The following SRSF12 variants were observed in gnomAD, a reference collection of about 807,000 sequenced individuals.
SRSF12 encodes the protein serine/arginine-rich splicing factor 12.
Under a neutral mutation model 34.1 loss-of-function variants are expected in SRSF12, and 21 were observed. The ratio of observed to expected loss-of-function variants is 0.62; its 90% CI spans 0.44 to 0.89. SRSF12 has a LOEUF of 0.89. Among genes scored for constraint, SRSF12 ranks in the 40% least tolerant of loss-of-function variants. The pLI is 0.00. For synonymous variants in SRSF12, 111 were observed against 110.8 expected, an observed-to-expected ratio of 1.00 and a Z score of -0.01; for missense variants, 278 against 327.8, an observed-to-expected ratio of 0.85 and a Z score of 1.17.
In SRSF12 at chr6:89,107,038, G is replaced by A. The variant is rs140339488; in HGVS notation, c.170+116C>T. Reference sequence around the variant, plus strand: ...ACTGCTTTAGATCTTCTGAGATAAAGAAATAAACACATTTAATTAGGCAAT... The same window carrying A: ...ACTGCTTTAGATCTTCTGAGATAAAAAAATAAACACATTTAATTAGGCAAT... On this transcript the variant is annotated intron_variant, in intron 2 of 4. Transcript: ENST00000452027. 7.0e-5 allele frequency: 76 copies of A among 1,089,976 alleles called. No individual in the cohort carries two copies. The African/African-American group carries it at 9.2e-4, about 13-fold the overall frequency. 67.5% of individuals were successfully genotyped at this position (1,089,976 alleles called of 1,614,324 possible). A position where few individuals can be genotyped will look rare whatever the true frequency, so the allele number is the denominator to read the frequency against.
chr6:89,109,829 C>T (rs1337952406), intron 1 of SRSF12, among the ~76,000 whole-genome samples: 3 of 152,196 alleles, frequency 2.0e-5, no homozygotes, highest in South Asian at 2.1e-4. Flanking sequence ...CGGTGGCTCA[C>T]GCTTGTAATC....
intron 1 of SRSF12, among the ~76,000 whole-genome samples, chr6:89,117,585 G>A (rs1302283856): frequency 6.6e-6 from 1 of 152,158 alleles, no homozygotes; most frequent in Non-Finnish European, 1.5e-5. Context: ...ACGCGGGCCC[G>A]GGACACGATG....
Position 89,096,502 on chromosome 6 carries a change from A to C in SRSF12, c.*2076T>G, listed in dbSNP as rs1768291003. 1 of 152,226 alleles carries C rather than the reference A, an allele frequency of 6.6e-6. No homozygotes were observed. The highest frequency in any genetic ancestry group is 1.5e-5 in the Non-Finnish European group (1 of 68,044). 9.4% of individuals were successfully genotyped at this position (152,226 alleles called of 1,614,324 possible). On this transcript the variant is annotated 3_prime_UTR_variant, in exon 5 of 5. Coordinates refer to ENST00000452027, the MANE Select transcript of SRSF12 (RefSeq NM_080743.5). ...CTATTATCATTCCAGCTTTTTCATC[A>C]AACCAAATGGTATCCTCCTAAGCAG...
At chr6:89,111,112 T>TGTC (rs1323625969) in intron 1 of SRSF12, among the ~76,000 whole-genome samples, 14 of 133,114 alleles carry the variant, frequency 1.1e-4, no homozygotes, top group African/African-American at 5.0e-4. Context: ...GACTTGTCTT[T>TGTC]TTTTTTTTTT....
chr6:89,107,042 T>G (rs1425516502), intron 2 of SRSF12, 112 bp downstream of exon 2: 1 of 1,101,362 alleles, frequency 9.1e-7, no homozygotes, highest in Non-Finnish European at 1.4e-6. Context: ...GATAAAGAAA[T>G]AAACACATTT....
chr6:89,099,448 A>G (rs1768423296), intron 4 of SRSF12, among the ~76,000 whole-genome samples: 1 of 144,378 alleles, frequency 6.9e-6, no homozygotes, highest in African/African-American at 2.6e-5. Context: ...ATACACATAT[A>G]TATGTGTGTA....
intron 1 of SRSF12, among the ~76,000 whole-genome samples, chr6:89,117,584 C>G (rs1257291123): frequency 1.3e-5 from 2 of 152,176 alleles, no homozygotes; most frequent in African/African-American, 4.8e-5. Flanking sequence ...GACGCGGGCC[C>G]GGGACACGAT....
At chr6:89,105,761 A>C in intron 2 of SRSF12, 3 of 271,182 alleles carry the variant, frequency 1.1e-5, no homozygotes, top group South Asian at 9.0e-5. Flanking sequence ...CAAAACAAAC[A>C]TGTAACTGTA....
intron 4 of SRSF12, among the ~76,000 whole-genome samples, chr6:89,102,576 GA>G (rs1165034918): frequency 1.3e-5 from 2 of 151,450 alleles, no homozygotes; most frequent in African/African-American, 2.4e-5. Flanking sequence ...AAATGTCCTT[GA>G]AAAAAAATCC....
chr6:89,098,500 C>A lies in SRSF12; in HGVS notation c.*78G>T. ...ATATCAACTCGCATTTTCTGTATGCCTTAAAGAATTTTTATTTAACATAAT... is the reference window on the plus strand; with the variant it reads ...ATATCAACTCGCATTTTCTGTATGCATTAAAGAATTTTTATTTAACATAAT... On this transcript the variant is annotated 3_prime_UTR_variant, in exon 5 of 5. Transcript: ENST00000452027. The A allele has an allele frequency of 6.7e-7, 1 of 1,483,854 alleles. No individual in the cohort carries two copies. Among genetic ancestry groups the A allele is most frequent in the Non-Finnish European group, 8.9e-7 (1 of 1,117,710 alleles). 91.9% of individuals were successfully genotyped at this position (1,483,854 alleles called of 1,614,324 possible).
At chr6:89,102,025 T>G (rs1768558795) in intron 4 of SRSF12, among the ~76,000 whole-genome samples, 1 of 151,706 alleles carries the variant, frequency 6.6e-6, no homozygotes, top group Non-Finnish European at 1.5e-5. Flanking sequence ...AAAGAAATAC[T>G]AAATATTCTT....
intron 1 of SRSF12, 106 bp downstream of exon 1, chr6:89,117,717 T>A (rs2127999067): frequency 8.6e-7 from 1 of 1,162,906 alleles, no homozygotes; most frequent in East Asian, 3.3e-5. Flanking sequence ...GCGGGGAGGC[T>A]CCGCGCAGCT....
chr6:89,104,225 T>A (rs1361756359), intron 4 of SRSF12, among the ~76,000 whole-genome samples: 2 of 19,126 alleles, frequency 1.0e-4, no homozygotes, highest in Non-Finnish European at 3.5e-4. Context: ...CTCATCACCT[T>A]TTTTTTTTTT....
At chr6:89,100,066 G>A (rs954511958) in intron 4 of SRSF12, among the ~76,000 whole-genome samples, 4 of 152,220 alleles carry the variant, frequency 2.6e-5, no homozygotes, top group African/African-American at 9.6e-5. Context: ...GGTGGGACAC[G>A]AGAGGCAAAA....
chr6:89,098,712 C>CAA lies in SRSF12; in HGVS notation c.651_652insTT (p.Asp218LeufsTer4), dbSNP rs1768369221. On this transcript the variant is annotated frameshift_variant, in exon 5 of 5. Transcript: ENST00000452027. LOFTEE classifies it high-confidence loss of function. ...TTACACGGGGATCTTGCTATTGAGT[C>CAA]AGAATGTCTTCCATGTGATCTTGAT... 6.2e-7 allele frequency: 1 copy of CAA among 1,613,924 alleles called. No individual in the cohort carries two copies. Among genetic ancestry groups the CAA allele is most frequent in the East Asian group, 2.2e-5 (1 of 44,886 alleles).
Position 89,109,603 on chromosome 6 carries a change from A to T in SRSF12, c.66-2345T>A, listed in dbSNP as rs150065862. Among the ~76,000 whole-genome samples, 38 of 152,358 alleles carry T rather than the reference A, an allele frequency of 2.5e-4. No individual in the cohort carries two copies. The East Asian group carries it at 6.7e-3, about 27-fold the overall frequency. On this transcript the variant is annotated intron_variant, in intron 1 of 4. Coordinates refer to ENST00000452027, the MANE Select transcript of SRSF12 (RefSeq NM_080743.5). ...AGAGGAGGCTGCAGCACTGTGTGCC[A>T]CAGAGGTCTGGAGTCTGGAAGCCAA...
chr6:89,112,638 C>T (rs746537736), intron 1 of SRSF12, among the ~76,000 whole-genome samples: 4 of 151,878 alleles, frequency 2.6e-5, no homozygotes, highest in African/African-American at 7.3e-5. Context: ...CCTTGAACTC[C>T]TGTCCTCAAG....
At chr6:89,109,578 A>C (rs185721148) in intron 1 of SRSF12, among the ~76,000 whole-genome samples, 27 of 152,306 alleles carry the variant, frequency 1.8e-4, no homozygotes, top group African/African-American at 6.3e-4. Flanking sequence ...ATAATATAAA[A>C]GAGGAGGCTG....
intron 1 of SRSF12, among the ~76,000 whole-genome samples, chr6:89,111,211 C>A (rs1463204119): frequency 6.6e-6 from 1 of 151,768 alleles, no homozygotes; most frequent in Non-Finnish European, 1.5e-5. Flanking sequence ...CAGGTTCAAG[C>A]TATTCTCGTG....
Sources: gnomAD v4.1 joint callset for allele counts (sites outside exome capture counted in the v4.1 genomes callset) on GRCh38, gnomAD v4.1.1 for gene constraint, MANE v1.5 for transcripts, NCBI Gene and HGNC (gene_info 2026-07-23, HGNC 2026-07-21) for gene names.